The following DPP10 variants were observed in gnomAD, a reference collection of about 807,000 sequenced individuals.
DPP10 encodes inactive dipeptidyl peptidase 10.
DPP10 carries 33 observed loss-of-function variants against 120.9 expected under a neutral mutation model. That is an observed-to-expected ratio of 0.27 (90% confidence interval 0.21 to 0.37). The LOEUF (loss-of-function observed/expected upper bound fraction) is 0.37, where lower values mean the gene tolerates loss of function less well. Ranked by LOEUF, DPP10 falls within the 10% of genes least tolerant of loss-of-function variation. The pLI is 1.00. For synonymous variants in DPP10, 337 were observed against 326.1 expected (o/e 1.03, Z -0.36); for missense variants, 816 against 942.8 (o/e 0.87, Z 1.76).
chr2:115,657,248 T>C (rs1192231412), intron 5 of DPP10, among the ~76,000 whole-genome samples: 1 of 151,764 alleles, frequency 6.6e-6, no homozygotes, highest in Non-Finnish European at 1.5e-5. Context: ...CCATAAATTT[T>C]CTCAGAAAAT....
At chr2:114,719,267 C>T (rs1377663644) in intron 1 of DPP10, among the ~76,000 whole-genome samples, 1 of 152,158 alleles carries the variant, frequency 6.6e-6, no homozygotes, top group Non-Finnish European at 1.5e-5. Context: ...CCAGCCTAGG[C>T]ATTCCTTCTT....
intron 9 of DPP10, among the ~76,000 whole-genome samples, chr2:115,745,109 C>T (rs143180497): frequency 1.3e-5 from 2 of 150,388 alleles, no homozygotes; most frequent in Non-Finnish European, 1.5e-5. Context: ...CTGCCCCTTA[C>T]TCACAGTGTA....
At chr2:114,888,397 T>G (rs1339018456) in intron 1 of DPP10, among the ~76,000 whole-genome samples, 2 of 152,062 alleles carry the variant, frequency 1.3e-5, no homozygotes, top group South Asian at 4.1e-4. Flanking sequence ...GTACAATTAA[T>G]AGTGATATTG....
intron 1 of DPP10, among the ~76,000 whole-genome samples, chr2:114,854,956 C>A (rs1034147690): frequency 1.3e-5 from 2 of 152,092 alleles, no homozygotes; most frequent in Admixed American, 6.6e-5. Flanking sequence ...TCAGAAAGAT[C>A]ACAATCTGTG....
rs187005279 is a variant in DPP10 at position 115,343,057 on chromosome 2, A to G, written c.176-760A>G. Among the ~76,000 whole-genome samples the G allele has an allele frequency of 4.7e-4, 72 of 152,306 alleles. 2 individuals are homozygous for G. Among genetic ancestry groups the G allele is most frequent in the Admixed American group, 4.6e-3 (70 of 15,296 alleles). On this transcript the variant is annotated intron_variant, in intron 2 of 25. Coordinates refer to ENST00000410059, the MANE Select transcript of DPP10 (RefSeq NM_020868.6). The stretch of plus-strand genomic sequence containing the variant: ...GATGAATTTATACAGCAAATAAACA[A>G]TGTTATTATTTTGCAAAGAAAATGC...
intron 1 of DPP10, among the ~76,000 whole-genome samples, chr2:114,918,264 A>G (rs1424685630): frequency 1.3e-5 from 2 of 152,296 alleles, no homozygotes; most frequent in South Asian, 4.1e-4. Flanking sequence ...ATCACACACC[A>G]GTCAGATTGG....
At chr2:114,896,743 A>G (rs945929977) in intron 1 of DPP10, among the ~76,000 whole-genome samples, 2 of 152,174 alleles carry the variant, frequency 1.3e-5, no homozygotes, top group East Asian at 1.9e-4. Context: ...CTCCTTACTA[A>G]CTGCCCTGGC....
chr2:115,121,925 C>G (rs1422071131), intron 1 of DPP10, among the ~76,000 whole-genome samples: 1 of 152,172 alleles, frequency 6.6e-6, no homozygotes, highest in Admixed American at 6.5e-5. Flanking sequence ...CAAAGGAAAA[C>G]TAGATTTTTG....
chr2:114,839,919 C>T (rs1688024007), intron 1 of DPP10, among the ~76,000 whole-genome samples: 1 of 152,012 alleles, frequency 6.6e-6, no homozygotes, highest in Admixed American at 6.6e-5. Flanking sequence ...TCAGGGCTTA[C>T]AACTGAAAAA....
intron 1 of DPP10, among the ~76,000 whole-genome samples, chr2:115,183,592 A>C (rs1329414805): frequency 1.3e-5 from 2 of 152,194 alleles, no homozygotes; most frequent in African/African-American, 2.4e-5. Context: ...GAGAGTTTGA[A>C]ATTTAGGAGA....
chr2:114,908,571 A>G (rs1390794189), intron 1 of DPP10, among the ~76,000 whole-genome samples: 2 of 151,806 alleles, frequency 1.3e-5, no homozygotes, highest in Non-Finnish European at 3.0e-5. Flanking sequence ...ATAAAGCTCT[A>G]TTCCTTCTTT....
At chr2:114,497,436 C>CAT (rs1682773534) in intron 1 of DPP10, among the ~76,000 whole-genome samples, 4 of 148,046 alleles carry the variant, frequency 2.7e-5, no homozygotes, top group Non-Finnish European at 4.5e-5. Context: ...TATATATATG[C>CAT]ATATATATAG....
At chr2:114,553,950 A>G (rs1688084682) in intron 1 of DPP10, among the ~76,000 whole-genome samples, 1 of 152,204 alleles carries the variant, frequency 6.6e-6, no homozygotes, top group Non-Finnish European at 1.5e-5. Context: ...CTTCTAGTGG[A>G]CAAGACTGAT....
chr2:114,863,982 C>A (rs986975869), intron 1 of DPP10, among the ~76,000 whole-genome samples: 3 of 151,882 alleles, frequency 2.0e-5, no homozygotes, highest in Non-Finnish European at 4.4e-5. Context: ...AATTGAAGGA[C>A]CTTTGTTTTG....
intron 1 of DPP10, among the ~76,000 whole-genome samples, chr2:115,254,987 A>G (rs1485072476): frequency 6.6e-6 from 1 of 152,138 alleles, no homozygotes; most frequent in Non-Finnish European, 1.5e-5. Context: ...TCTGGAGGAC[A>G]GTCGTCCTCT....
At chr2:115,188,330 C>T (rs1005679227) in intron 1 of DPP10, among the ~76,000 whole-genome samples, 6 of 152,052 alleles carry the variant, frequency 3.9e-5, no homozygotes, top group Non-Finnish European at 7.4e-5. Flanking sequence ...TGGGAGAAAA[C>T]GGGATAATTA....
Position 115,587,192 on chromosome 2 carries a change from G to A in DPP10, c.441+61220G>A, listed in dbSNP as rs181563462. 2.7e-4 allele frequency among the ~76,000 whole-genome samples: 40 copies of A among 147,150 alleles called. No individual in the cohort carries two copies. In the East Asian group the frequency reaches 8.6e-3, roughly 32 times the overall value. The stretch of plus-strand genomic sequence containing the variant: ...GGCTCACTGCAAGCTCCGCCTCCCG[G>A]GTTCACGCCATTCTCCTGCCTCAGC... On this transcript the variant is annotated intron_variant, in intron 5 of 25. Transcript: ENST00000410059.
At chr2:115,604,704 TCTGA>T (rs10549167) in intron 5 of DPP10, among the ~76,000 whole-genome samples, 150,360 of 152,160 alleles carry the variant, frequency 0.99, 74,318 homozygotes, top group Non-Finnish European at 1. Context: ...TTAATTATTC[TCTGA>T]CTGTCTTTCA....
chr2:115,324,602 G>T (rs1234557492), intron 2 of DPP10, among the ~76,000 whole-genome samples: 1 of 152,106 alleles, frequency 6.6e-6, no homozygotes, highest in African/African-American at 2.4e-5. Context: ...GAAAGGTGTG[G>T]CTAGTTTGAT....
Sources: gnomAD v4.1 joint callset for allele counts (sites outside exome capture counted in the v4.1 genomes callset) on GRCh38, gnomAD v4.1.1 for gene constraint, MANE v1.5 for transcripts, NCBI Gene and HGNC (gene_info 2026-07-23, HGNC 2026-07-21) for gene names.